The following RAB3C variants were observed in gnomAD, a reference collection of about 807,000 sequenced individuals.
RAB3C encodes the protein ras-related protein Rab-3C.
Under a neutral mutation model 26.4 loss-of-function variants are expected in RAB3C, and 17 were observed. The observed-to-expected ratio is 0.64, with a 90% CI of 0.44 to 0.97. The LOEUF is 0.97. RAB3C is among the 50% of genes least tolerant of loss of function. The pLI is 0.00. For missense variants in RAB3C, 242 were observed against 281.9 expected (o/e 0.86, Z 1.01); for synonymous variants, 91 against 95.9 (o/e 0.95, Z 0.30).
chr5:58,798,187 A>AT (rs1445524601), intron 3 of RAB3C, among the ~76,000 whole-genome samples: 1 of 152,200 alleles, frequency 6.6e-6, no homozygotes, highest in Non-Finnish European at 1.5e-5. Context: ...GTAGTCATTG[A>AT]TTCAGGCAGA....
At chr5:58,613,334 G>A (rs1300032453) in intron 1 of RAB3C, among the ~76,000 whole-genome samples, 1 of 152,086 alleles carries the variant, frequency 6.6e-6, no homozygotes, top group Non-Finnish European at 1.5e-5. Context: ...ACATTCTGTT[G>A]AGGTCTCACC....
chr5:58,724,235 C>A (rs996461731), intron 2 of RAB3C, among the ~76,000 whole-genome samples: 1 of 151,618 alleles, frequency 6.6e-6, no homozygotes, highest in South Asian at 2.1e-4. Flanking sequence ...CTGTGGGAAG[C>A]ACTTTACATG....
At chr5:58,592,583 C>G (rs780267986) in intron 1 of RAB3C, among the ~76,000 whole-genome samples, 1 of 152,190 alleles carries the variant, frequency 6.6e-6, no homozygotes, top group South Asian at 2.1e-4. Context: ...ATTAGCATTT[C>G]CTGTAGGATA....
chr5:58,694,591 A>G (rs1205439856), intron 2 of RAB3C, among the ~76,000 whole-genome samples: 1 of 152,186 alleles, frequency 6.6e-6, no homozygotes, highest in Non-Finnish European at 1.5e-5. Flanking sequence ...CCTCTCCAGC[A>G]TCTGTTGTTT....
Position 58,615,973 on chromosome 5 carries a change from T to TACACACACAC in RAB3C, c.25-1668_25-1659dup, listed in dbSNP as rs1218245591. Among the ~76,000 whole-genome samples, 3 of 103,366 alleles carry TACACACACAC rather than the reference T, an allele frequency of 2.9e-5. No individual in the cohort carries two copies. The East Asian group carries it at 1.0e-3, about 36-fold the overall frequency. The allele number at this position is 103,366 out of a possible 152,430, so 67.8% of individuals were successfully genotyped here. ...CCTCAGTTTTCTGTAAACATACGTG[T>TACACACACAC]ACACACACACAGACACACACACACA... On this transcript the variant is annotated intron_variant, in intron 1 of 4. Transcript: ENST00000282878.
intron 2 of RAB3C, among the ~76,000 whole-genome samples, chr5:58,631,112 T>C (rs1477704306): frequency 3.9e-5 from 6 of 152,192 alleles, no homozygotes; most frequent in African/African-American, 1.4e-4. Flanking sequence ...ACACCCTTTA[T>C]ACCAGTTATT....
chr5:58,699,371 T>G (rs79158452), intron 2 of RAB3C, among the ~76,000 whole-genome samples: 1 of 152,180 alleles, frequency 6.6e-6, no homozygotes, highest in African/African-American at 2.4e-5. Flanking sequence ...TATATGAGGT[T>G]TCTGTCAACC....
intron 2 of RAB3C, among the ~76,000 whole-genome samples, chr5:58,639,422 G>A (rs186705824): frequency 2.6e-5 from 4 of 152,266 alleles, no homozygotes; most frequent in Admixed American, 2.6e-4. Context: ...TGAAGGCTGG[G>A]AAGTCCAGGA....
intron 4 of RAB3C, among the ~76,000 whole-genome samples, chr5:58,847,554 C>T (rs1447512954): frequency 1.3e-5 from 2 of 152,152 alleles, no homozygotes; most frequent in African/African-American, 4.8e-5. Flanking sequence ...AGAACAAAGG[C>T]TGTAGTGGTT....
At chr5:58,597,256 ACT>A (rs1746332015) in intron 1 of RAB3C, among the ~76,000 whole-genome samples, 1 of 78,626 alleles carries the variant, frequency 1.3e-5, no homozygotes, top group Non-Finnish European at 2.4e-5. Context: ...TATAATATAT[ACT>A]ACACAATATA....
chr5:58,831,433 T>C (rs1579943167), intron 4 of RAB3C, among the ~76,000 whole-genome samples: 1 of 152,186 alleles, frequency 6.6e-6, no homozygotes, highest in East Asian at 1.9e-4. Context: ...CCCCAACTAA[T>C]AAACTGAAAA....
intron 4 of RAB3C, among the ~76,000 whole-genome samples, chr5:58,836,239 ATTTC>A (rs1412509272): frequency 8.5e-6 from 1 of 117,554 alleles, no homozygotes; most frequent in African/African-American, 3.6e-5. Flanking sequence ...TCACTCATAT[ATTTC>A]TTTATTTTTA....
At chr5:58,845,018 G>A (rs1238774025) in intron 4 of RAB3C, among the ~76,000 whole-genome samples, 14 of 151,508 alleles carry the variant, frequency 9.2e-5, no homozygotes, top group Non-Finnish European at 2.1e-4. Flanking sequence ...TGGAGAAAGC[G>A]GGGGAAGAGG....
chr5:58,676,016 C>A (rs899907597), intron 2 of RAB3C, among the ~76,000 whole-genome samples: 3 of 152,066 alleles, frequency 2.0e-5, no homozygotes, highest in Non-Finnish European at 2.9e-5. Flanking sequence ...CTCTTTGCTG[C>A]CCCAGGAAGC....
At position 58,726,105 on chromosome 5, in the gene RAB3C, A is replaced by T. The variant is rs371770169; in HGVS notation, c.356A>T (p.Asn119Ile). Residue 119 changes from asparagine (N) to isoleucine (I), a missense_variant, in exon 3 of 5, where the codon AAT becomes ATT. Coordinates refer to ENST00000282878, the MANE Select transcript of RAB3C (RefSeq NM_138453.4). ...GACATTACAAATGAAGAATCCTTCAATGCAGTACAAGATTGGTAAGTCAGA... is the reference window on the plus strand; with the variant it reads ...GACATTACAAATGAAGAATCCTTCATTGCAGTACAAGATTGGTAAGTCAGA... ...MYDITNEESF[N>I]AVQDWSTQIK... 6.4e-7 allele frequency: 1 copy of T among 1,566,642 alleles called. No homozygotes were observed.
intron 3 of RAB3C, among the ~76,000 whole-genome samples, chr5:58,744,183 G>A (rs1741341767): frequency 6.6e-6 from 1 of 152,150 alleles, no homozygotes; most frequent in South Asian, 2.1e-4. Context: ...CTGAGGCAGG[G>A]GTTTGTTGTA....
intron 2 of RAB3C, among the ~76,000 whole-genome samples, chr5:58,701,723 A>G (rs59567790): frequency 0.05 from 7,622 of 152,016 alleles, 641 homozygotes; most frequent in African/African-American, 0.17. Flanking sequence ...CCCTTCCTCT[A>G]CCTTCATAGC....
At chr5:58,601,315 T>C (rs1038362414) in intron 1 of RAB3C, among the ~76,000 whole-genome samples, 3 of 152,132 alleles carry the variant, frequency 2.0e-5, no homozygotes, top group Non-Finnish European at 2.9e-5. Flanking sequence ...CTTTATTGGT[T>C]GTGTCCTTTC....
intron 1 of RAB3C, among the ~76,000 whole-genome samples, chr5:58,584,926 AT>A (rs1316314366): frequency 6.6e-6 from 1 of 152,038 alleles, no homozygotes; most frequent in Non-Finnish European, 1.5e-5. Flanking sequence ...AGTTAAAATT[AT>A]TTTTTGTGTT....
Sources: allele counts gnomAD v4.1 joint callset (sites outside exome capture counted in the v4.1 genomes callset), GRCh38; gene constraint gnomAD v4.1.1; transcripts MANE v1.5; gene names NCBI Gene and HGNC (gene_info 2026-07-23, HGNC 2026-07-21).